Variants in KCNN2 observed in about 807,000 individuals in gnomAD.
KCNN2 encodes the protein small conductance calcium-activated potassium channel protein 2.
Under a neutral mutation model 55.5 loss-of-function variants are expected in KCNN2, and 24 were observed. The observed-to-expected ratio is 0.43, with a 90% CI of 0.31 to 0.61. KCNN2 has a LOEUF of 0.61. Among genes scored for constraint, KCNN2 ranks in the 20% least tolerant of loss-of-function variants. KCNN2 has a pLI of 0.08. For missense variants in KCNN2, 754 were observed against 853.6 expected, an observed-to-expected ratio of 0.88 and a Z score of 1.45; for synonymous variants, 431 against 336.1, an observed-to-expected ratio of 1.28 and a Z score of -3.09.
chr5:114,206,121 T>A (rs1051747915), intron 1 of KCNN2, among the ~76,000 whole-genome samples: 3 of 152,228 alleles, frequency 2.0e-5, no homozygotes, highest in Non-Finnish European at 4.4e-5. Context: ...TGGTTGTTAG[T>A]TTTTATTTTT....
At chr5:114,459,137 A>ATTT (rs1245748738) in intron 3 of KCNN2, among the ~76,000 whole-genome samples, 1 of 152,254 alleles carries the variant, frequency 6.6e-6, no homozygotes, top group Non-Finnish European at 1.5e-5. Flanking sequence ...GAAACTAAGA[A>ATTT]AAGGAACAGT....
At chr5:114,087,298 A>G (rs1333919243) in intron 1 of KCNN2, among the ~76,000 whole-genome samples, 1 of 151,906 alleles carries the variant, frequency 6.6e-6, no homozygotes, top group African/African-American at 2.4e-5. Flanking sequence ...CCACTTGTCA[A>G]TTTTTGTTTT....
chr5:114,440,347 G>A (rs1388114833), intron 3 of KCNN2, among the ~76,000 whole-genome samples: 5 of 152,004 alleles, frequency 3.3e-5, no homozygotes, highest in Admixed American at 2.0e-4. Flanking sequence ...AAAAACAAAG[G>A]CAAAATAAAG....
chr5:114,096,647 C>T (rs1751261088), intron 1 of KCNN2, among the ~76,000 whole-genome samples: 1 of 152,054 alleles, frequency 6.6e-6, no homozygotes, highest in Non-Finnish European at 1.5e-5. Flanking sequence ...CCCTCTCTCC[C>T]TCGTGGTACT....
chr5:114,389,104 C>G (rs145292735), intron 2 of KCNN2, among the ~76,000 whole-genome samples: 1 of 151,372 alleles, frequency 6.6e-6, no homozygotes, highest in Non-Finnish European at 1.5e-5. Flanking sequence ...TATGTGTGTG[C>G]GTGTGTGAGT....
intron 6 of KCNN2, among the ~76,000 whole-genome samples, chr5:114,489,484 ATATTTCTTATTC>A (rs916588149): frequency 6.6e-6 from 1 of 152,060 alleles, no homozygotes; most frequent in African/African-American, 2.4e-5. Context: ...CTTCTGTCAG[ATATTTCTTATTC>A]TGTTTCTTCT....
At position 114,077,108 on chromosome 5, in the gene KCNN2, C is replaced by T. The variant is rs147153874; in HGVS notation, c.-271+20608C>T. 7.6e-4 allele frequency among the ~76,000 whole-genome samples: 116 copies of T among 152,220 alleles called. 2 individuals carry two copies. The highest frequency in any genetic ancestry group is 2.8e-3 in the African/African-American group (115 of 41,526). The stretch of plus-strand genomic sequence containing the variant: ...CCATTTTCCCTTTTACATTTGTATC[C>T]CTCTATTTCAATGGCTGTTTCATTT... On this transcript the variant is annotated intron_variant, in intron 1 of 10. Transcript: ENST00000512097.
chr5:114,106,644 T>C (rs1264906082), intron 1 of KCNN2, among the ~76,000 whole-genome samples: 2 of 67,296 alleles, frequency 3.0e-5, no homozygotes, highest in Admixed American at 1.4e-4. Flanking sequence ...TTTCCAGTTG[T>C]TTTTTTTTTT....
chr5:114,193,739 TTC>T (rs1251558821), intron 1 of KCNN2, among the ~76,000 whole-genome samples: 4 of 152,134 alleles, frequency 2.6e-5, no homozygotes, highest in Admixed American at 1.3e-4. Flanking sequence ...CATCAGAACT[TTC>T]TGTTTCAGAT....
At chr5:114,160,888 C>G (rs1752760915) in intron 1 of KCNN2, among the ~76,000 whole-genome samples, 1 of 152,026 alleles carries the variant, frequency 6.6e-6, no homozygotes, top group African/African-American at 2.4e-5. Context: ...TATTTTGAGC[C>G]TATGTGTGTC....
intron 3 of KCNN2, among the ~76,000 whole-genome samples, chr5:114,440,677 G>A (rs562769976): frequency 6.6e-6 from 1 of 151,644 alleles, no homozygotes; most frequent in African/African-American, 2.4e-5. Context: ...CAGGGGAAGT[G>A]GGGTGGGGGT....
chr5:114,211,044 A>G (rs1398789564), intron 1 of KCNN2, among the ~76,000 whole-genome samples: 1 of 152,184 alleles, frequency 6.6e-6, no homozygotes, highest in Non-Finnish European at 1.5e-5. Context: ...TGGCATTATT[A>G]AAAAGTTAAA....
chr5:114,466,852 G>A (rs1034155837), intron 4 of KCNN2, among the ~76,000 whole-genome samples: 1 of 152,120 alleles, frequency 6.6e-6, no homozygotes, highest in East Asian at 1.9e-4. Context: ...GGACACTTCA[G>A]ATATCAGTGA....
intron 5 of KCNN2, among the ~76,000 whole-genome samples, chr5:114,477,186 A>C (rs1294240795): frequency 6.6e-6 from 1 of 152,164 alleles, no homozygotes; most frequent in Non-Finnish European, 1.5e-5. Context: ...TAATAGTCAC[A>C]GATGTTCTGA....
At chr5:114,242,649 G>C (rs76959834) in intron 2 of KCNN2, among the ~76,000 whole-genome samples, 5,234 of 152,238 alleles carry the variant, frequency 0.034, 308 homozygotes, top group African/African-American at 0.12. Context: ...ATGTTAGAAA[G>C]AGCAAGAAGG....
intron 4 of KCNN2, among the ~76,000 whole-genome samples, chr5:114,471,834 G>A (rs532759009): frequency 6.6e-6 from 1 of 152,140 alleles, no homozygotes; most frequent in Non-Finnish European, 1.5e-5. Context: ...ATAATGATCA[G>A]GTCGTGTATT....
intron 3 of KCNN2, chr5:114,433,488 A>T (rs1759875273): frequency 6.6e-6 from 1 of 152,298 alleles, no homozygotes; most frequent in Admixed American, 6.5e-5. Context: ...AGAGAATAAA[A>T]GCAGGCTACT....
At chr5:114,118,186 G>A (rs549144615) in intron 1 of KCNN2, among the ~76,000 whole-genome samples, 33 of 152,198 alleles carry the variant, frequency 2.2e-4, no homozygotes, top group African/African-American at 7.5e-4. Flanking sequence ...GAACTCTCAC[G>A]ATTTCCAGGA....
chr5:114,193,830 TGTAA>T (rs1171951428), intron 1 of KCNN2, among the ~76,000 whole-genome samples: 6 of 152,164 alleles, frequency 3.9e-5, no homozygotes, highest in African/African-American at 1.4e-4. Context: ...GAGTGCAGCA[TGTAA>T]GTGTGTGTTT....
Sources: allele counts gnomAD v4.1 joint callset (sites outside exome capture counted in the v4.1 genomes callset), GRCh38; gene constraint gnomAD v4.1.1; transcripts MANE v1.5; gene names NCBI Gene and HGNC (gene_info 2026-07-23, HGNC 2026-07-21).